The following CNEP1R1 variants were observed in gnomAD, a reference collection of about 807,000 sequenced individuals.
CNEP1R1 encodes the protein nuclear envelope phosphatase-regulatory subunit 1.
CNEP1R1 carries 10 observed loss-of-function variants against 22.7 expected under a neutral mutation model. That is an observed-to-expected ratio of 0.44 (90% CI 0.27 to 0.75). The LOEUF is 0.75. CNEP1R1 is among the 30% of genes least tolerant of loss of function. CNEP1R1 has a pLI of 0.17. For missense variants in CNEP1R1, 73 were observed against 151.5 expected (o/e 0.48, Z 2.72); for synonymous variants, 53 against 50.1 (o/e 1.06, Z -0.25).
chr16:50,025,783 T>C, intron 1 of CNEP1R1: 1 of 1,187,244 alleles, frequency 8.4e-7, no homozygotes, highest in Non-Finnish European at 1.2e-6. Flanking sequence ...CGGAGCAGCT[T>C]AGACGCCCCT....
intron 3 of CNEP1R1, among the ~76,000 whole-genome samples, chr16:50,030,808 C>T (rs1024179343): frequency 2.0e-5 from 3 of 152,174 alleles, no homozygotes; most frequent in African/African-American, 7.2e-5. Flanking sequence ...TCTTTCCCAA[C>T]ATTTATCTCT....
chr16:50,034,892 C>A (rs115606438), intron 5 of CNEP1R1, among the ~76,000 whole-genome samples: 2,160 of 152,000 alleles, frequency 0.014, 59 homozygotes, highest in African/African-American at 0.05. Context: ...ACAGTGAGAC[C>A]CTGTCTTTAA....
In CNEP1R1 at chr16:50,034,088, C is replaced by T; in HGVS notation, c.282-14C>T. On this transcript the variant is annotated splice_polypyrimidine_tract_variant and intron_variant, in intron 4 of 5. Transcript: ENST00000427478. ...CTTGAAATGAGAAATTTTCCTTTGACCACATGTATTCAGTATAGCTGCTCG... is the reference window on the plus strand; with the variant it reads ...CTTGAAATGAGAAATTTTCCTTTGATCACATGTATTCAGTATAGCTGCTCG... 6.3e-7 allele frequency: 1 copy of T among 1,583,618 alleles called. No homozygotes were observed. Among genetic ancestry groups the T allele is most frequent in the Non-Finnish European group, 8.6e-7 (1 of 1,162,264 alleles).
rs1433450926 is a variant in CNEP1R1, at chr16:50,029,933, TTTA to T, written c.171+139_171+141del. The T allele has an allele frequency of 5.7e-6, 3 of 529,320 alleles. No individual in the cohort carries two copies. The African/African-American group carries it at 5.8e-5, about 10-fold the overall frequency. The allele number at this position is 529,320 out of a possible 1,614,324, so 32.8% of individuals were successfully genotyped here. ...ATATTGTCATATTAAAAATATGCCT[TTTA>T]TTAATTTGCTCAAGGAAGATTTTGG... On this transcript the variant is annotated intron_variant, in intron 3 of 5. Coordinates refer to ENST00000427478, the MANE Select transcript of CNEP1R1 (RefSeq NM_001281789.2).
chr16:50,026,806 C>G (rs2036188068), intron 2 of CNEP1R1: 1 of 201,702 alleles, frequency 5.0e-6, no homozygotes, highest in Non-Finnish European at 1.0e-5. Flanking sequence ...GAAACGCCGT[C>G]TCTACTAAAA....
intron 3 of CNEP1R1, among the ~76,000 whole-genome samples, chr16:50,030,039 T>C (rs375271429): frequency 2.3e-4 from 35 of 152,226 alleles, no homozygotes; most frequent in Admixed American, 1.6e-3. Flanking sequence ...TTATTTGTTA[T>C]TTGTCATTCA....
intron 3 of CNEP1R1, 75 bp from the exon 4 acceptor site, chr16:50,033,322 T>G: frequency 1.6e-6 from 1 of 623,456 alleles, no homozygotes; most frequent in Admixed American, 2.9e-5. Flanking sequence ...TATATATTTA[T>G]GTACAAGTGG....
chr16:50,028,332 C>T (rs755929207), intron 2 of CNEP1R1, among the ~76,000 whole-genome samples: 3 of 152,166 alleles, frequency 2.0e-5, no homozygotes, highest in Non-Finnish European at 4.4e-5. Flanking sequence ...TAGTAGCACA[C>T]ATTGAGGATT....
intron 2 of CNEP1R1, chr16:50,026,820 C>A (rs916945150): frequency 5.4e-6 from 1 of 184,894 alleles, no homozygotes; most frequent in Non-Finnish European, 1.2e-5. Context: ...ACTAAAAATA[C>A]GAAATTAGCC....
intron 1 of CNEP1R1, chr16:50,026,160 TCAG>T (rs1381730738): frequency 6.6e-6 from 3 of 457,138 alleles, no homozygotes; most frequent in African/African-American, 2.0e-5. Context: ...TAAAAGTAAA[TCAG>T]CAAGTTTTCT....
intron 5 of CNEP1R1, chr16:50,034,412 A>G (rs2036258677): frequency 4.3e-6 from 2 of 464,844 alleles, no homozygotes; most frequent in African/African-American, 4.0e-5. Context: ...ATCATGATGC[A>G]TCTTATAACT....
Position 50,027,761 on chromosome 16 carries a change from A to T in CNEP1R1, c.97+1294A>T, listed in dbSNP as rs964417881. On this transcript the variant is annotated intron_variant, in intron 2 of 5. Coordinates refer to ENST00000427478, the MANE Select transcript of CNEP1R1 (RefSeq NM_001281789.2). ...ATTACCCTTAGTTGATTTTTAACAA[A>T]GCATAATTGTGCTGCTTTGAAGTCT... Among the ~76,000 whole-genome samples the T allele has an allele frequency of 2.0e-5, 3 of 152,160 alleles. No individual in the cohort carries two copies. The East Asian group carries it at 5.8e-4, about 29-fold the overall frequency.
intron 3 of CNEP1R1, among the ~76,000 whole-genome samples, chr16:50,031,908 G>C (rs557100912): frequency 6.6e-6 from 1 of 152,270 alleles, no homozygotes; most frequent in South Asian, 2.1e-4. Flanking sequence ...TTAAAATGAA[G>C]ACATAAAGCA....
intron 3 of CNEP1R1, among the ~76,000 whole-genome samples, chr16:50,033,096 G>T (rs1269854497): frequency 1.3e-5 from 2 of 152,078 alleles, no homozygotes; most frequent in East Asian, 3.8e-4. Context: ...ATTCAATGCA[G>T]AGTTCAGTAA....
In CNEP1R1 at chr16:50,025,226, G is replaced by C. The variant is rs1484953170; in HGVS notation, c.-90G>C. On this transcript the variant is annotated 5_prime_UTR_variant, in exon 1 of 6. Transcript: ENST00000427478. ...GGGGAGGGGCAGCGGGGAGCGGTTA[G>C]AGGTGGGAGTTGGCGCTGCGGGCCG... 3.2e-6 allele frequency: 4 copies of C among 1,259,492 alleles called. No individual in the cohort carries two copies. The highest frequency in any genetic ancestry group is 4.2e-6 in the Non-Finnish European group (4 of 963,258). 78.0% of individuals were successfully genotyped at this position (1,259,492 alleles called of 1,614,324 possible). A position where few individuals can be genotyped will look rare whatever the true frequency, so the allele number is the denominator to read the frequency against.
chr16:50,034,210 T>C, intron 5 of CNEP1R1, 54 bp downstream of exon 5: 1 of 1,350,906 alleles, frequency 7.4e-7, no homozygotes. Context: ...CACTGAAATT[T>C]TTGGCTTTAG....
At chr16:50,030,367 G>A (rs967491056) in intron 3 of CNEP1R1, among the ~76,000 whole-genome samples, 6 of 152,158 alleles carry the variant, frequency 3.9e-5, no homozygotes, top group Non-Finnish European at 7.3e-5. Context: ...TCAGGAGATC[G>A]AGGCTGCAGT....
intron 1 of CNEP1R1, 24 bp from the exon 2 acceptor site, chr16:50,026,372 G>T (rs766239146): frequency 9.6e-6 from 15 of 1,567,370 alleles, no homozygotes; most frequent in Non-Finnish European, 1.3e-5. Context: ...TGGCTAATTA[G>T]AAAATTGACA....
At chr16:50,025,671 A>C in intron 1 of CNEP1R1, 1 of 1,613,982 alleles carries the variant, frequency 6.2e-7, no homozygotes, top group Non-Finnish European at 8.5e-7. Context: ...TGTATCCCTG[A>C]TTCCTGCGGT....
Sources: gnomAD v4.1 joint callset for allele counts (sites outside exome capture counted in the v4.1 genomes callset) on GRCh38, gnomAD v4.1.1 for gene constraint, MANE v1.5 for transcripts, NCBI Gene and HGNC (gene_info 2026-07-23, HGNC 2026-07-21) for gene names.